Variants in RAB3C observed in about 807,000 individuals in gnomAD.
RAB3C encodes ras-related protein Rab-3C.
RAB3C carries 17 observed loss-of-function variants against 26.4 expected under a neutral mutation model. The ratio of observed to expected loss-of-function variants is 0.64; its 90% CI spans 0.44 to 0.97. The LOEUF is 0.97. Among genes scored for constraint, RAB3C ranks in the 50% least tolerant of loss-of-function variants. RAB3C has a pLI of 0.00. For missense variants in RAB3C, 242 were observed against 281.9 expected (o/e 0.86, Z 1.01); for synonymous variants, 91 against 95.9 (o/e 0.95, Z 0.30).
At chr5:58,844,366 A>AT (rs1427169398) in intron 4 of RAB3C, among the ~76,000 whole-genome samples, 7 of 152,094 alleles carry the variant, frequency 4.6e-5, no homozygotes, top group Admixed American at 1.3e-4. Context: ...CTGAAATACC[A>AT]TTTTTTTAGT....
chr5:58,758,464 A>G lies in RAB3C; in HGVS notation c.371+32344A>G, dbSNP rs138197555. On this transcript the variant is annotated intron_variant, in intron 3 of 4. Coordinates refer to ENST00000282878, the MANE Select transcript of RAB3C (RefSeq NM_138453.4). ...TAGACATATTGTTTATGTGTTATGT[A>G]CAGAGATTTGAGGACTAGAGTCTAA... Among the ~76,000 whole-genome samples the G allele has an allele frequency of 1.3e-3, 198 of 152,274 alleles. 2 individuals are homozygous for G. Among genetic ancestry groups the G allele is most frequent in the African/African-American group, 4.7e-3 (194 of 41,540 alleles).
chr5:58,800,522 TA>T (rs1164308888), intron 3 of RAB3C, among the ~76,000 whole-genome samples: 1 of 152,226 alleles, frequency 6.6e-6, no homozygotes, highest in Non-Finnish European at 1.5e-5. Context: ...TTTTAATGTT[TA>T]AGCAAATCCC....
chr5:58,687,050 G>A (rs1748459311), intron 2 of RAB3C, among the ~76,000 whole-genome samples: 5 of 152,066 alleles, frequency 3.3e-5, no homozygotes, highest in Admixed American at 3.3e-4. Context: ...CCTTTGCTAA[G>A]AACTCCAACC....
At chr5:58,603,259 C>T (rs1019100901) in intron 1 of RAB3C, among the ~76,000 whole-genome samples, 9 of 152,102 alleles carry the variant, frequency 5.9e-5, no homozygotes, top group African/African-American at 1.9e-4. Flanking sequence ...TTTCCTTTGT[C>T]TTAACTTTGA....
chr5:58,659,392 T>C (rs991134085), intron 2 of RAB3C, among the ~76,000 whole-genome samples: 1 of 152,330 alleles, frequency 6.6e-6, no homozygotes, highest in East Asian at 1.9e-4. Context: ...CAATAAACTC[T>C]CAACAGAGAT....
intron 3 of RAB3C, among the ~76,000 whole-genome samples, chr5:58,793,756 T>A (rs1444991341): frequency 2.0e-5 from 3 of 152,178 alleles, no homozygotes; most frequent in Admixed American, 6.5e-5. Context: ...AGAATCTACA[T>A]TTTAAAAGCA....
At chr5:58,715,753 TGA>T (rs1383468593) in intron 2 of RAB3C, among the ~76,000 whole-genome samples, 3 of 151,824 alleles carry the variant, frequency 2.0e-5, no homozygotes, top group African/African-American at 7.3e-5. Context: ...TACAAGACGA[TGA>T]GAGAGAATGA....
intron 3 of RAB3C, among the ~76,000 whole-genome samples, chr5:58,774,528 A>G (rs974055099): frequency 2.6e-5 from 4 of 152,142 alleles, no homozygotes; most frequent in African/African-American, 9.7e-5. Context: ...AACATATAGA[A>G]CATCTGCCCT....
intron 3 of RAB3C, among the ~76,000 whole-genome samples, chr5:58,743,499 A>G (rs1296395112): frequency 6.6e-6 from 1 of 151,984 alleles, no homozygotes; most frequent in South Asian, 2.1e-4. Context: ...GCACCCATCA[A>G]CCCATCATCT....
chr5:58,587,485 C>T (rs1261920495), intron 1 of RAB3C, among the ~76,000 whole-genome samples: 4 of 152,118 alleles, frequency 2.6e-5, no homozygotes, highest in South Asian at 2.1e-4. Flanking sequence ...ACCAAGGATA[C>T]TACAGCCTGT....
chr5:58,847,971 C>A (rs1332487812), intron 4 of RAB3C, among the ~76,000 whole-genome samples: 1 of 152,176 alleles, frequency 6.6e-6, no homozygotes, highest in Non-Finnish European at 1.5e-5. Flanking sequence ...ATTCTCCTGG[C>A]TCAGCCTCCT....
intron 2 of RAB3C, among the ~76,000 whole-genome samples, chr5:58,634,715 C>T (rs1448141013): frequency 3.9e-5 from 6 of 152,096 alleles, no homozygotes; most frequent in African/African-American, 1.4e-4. Context: ...CAGGTCACAC[C>T]TCCCTGACTC....
intron 2 of RAB3C, among the ~76,000 whole-genome samples, chr5:58,665,167 C>A (rs967369880): frequency 6.6e-6 from 1 of 151,936 alleles, no homozygotes; most frequent in South Asian, 2.1e-4. Context: ...AAAAATAAGT[C>A]GGAAAAGTAT....
At chr5:58,772,866 CTT>C (rs887204159) in intron 3 of RAB3C, among the ~76,000 whole-genome samples, 3 of 152,032 alleles carry the variant, frequency 2.0e-5, no homozygotes, top group Admixed American at 1.3e-4. Flanking sequence ...GAAGTAAAAT[CTT>C]TTTCAGTAAC....
intron 4 of RAB3C, among the ~76,000 whole-genome samples, chr5:58,847,499 A>T (rs548079398): frequency 6.6e-6 from 1 of 152,222 alleles, no homozygotes; most frequent in African/African-American, 2.4e-5. Context: ...ATCTCAAAAT[A>T]CAGAGATACT....
At chr5:58,741,080 G>C (rs762259771) in intron 3 of RAB3C, among the ~76,000 whole-genome samples, 1 of 152,128 alleles carries the variant, frequency 6.6e-6, no homozygotes, top group Non-Finnish European at 1.5e-5. Flanking sequence ...TATGATTACA[G>C]TTTTGCTATA....
At chr5:58,822,216 C>G (rs540580052) in intron 3 of RAB3C, among the ~76,000 whole-genome samples, 1 of 152,266 alleles carries the variant, frequency 6.6e-6, no homozygotes, top group African/African-American at 2.4e-5. Flanking sequence ...TAATGAGTAT[C>G]ATGGAAATAT....
At chr5:58,597,566 A>G (rs1037359985) in intron 1 of RAB3C, among the ~76,000 whole-genome samples, 151 of 125,226 alleles carry the variant, frequency 1.2e-3, no homozygotes, top group African/African-American at 4.3e-3. Context: ...TTCATTATAT[A>G]TAAGCATATA....
intron 1 of RAB3C, among the ~76,000 whole-genome samples, chr5:58,613,865 T>A (rs1004610205): frequency 1.3e-5 from 2 of 152,006 alleles, no homozygotes; most frequent in Admixed American, 1.3e-4. Flanking sequence ...TCAGTTGGGA[T>A]CATCCAAGCA....
Sources: allele counts gnomAD v4.1 joint callset (sites outside exome capture counted in the v4.1 genomes callset), GRCh38; gene constraint gnomAD v4.1.1; transcripts MANE v1.5; gene names NCBI Gene and HGNC (gene_info 2026-07-23, HGNC 2026-07-21).